Variants in RAB44 observed in about 807,000 individuals in gnomAD.
The protein encoded by RAB44 is RAB44, member RAS oncogene family, also known as ras-related protein Rab-44.
Under a neutral mutation model 93.3 loss-of-function variants are expected in RAB44, and 67 were observed. That is an observed-to-expected ratio of 0.72 (90% CI 0.59 to 0.88). RAB44 has a LOEUF of 0.88. Ranked by LOEUF, RAB44 falls within the 40% of genes least tolerant of loss-of-function variation. The pLI, the probability that RAB44 is intolerant of heterozygous loss-of-function variation, is 0.00. For synonymous variants in RAB44, 427 were observed against 520.3 expected, an observed-to-expected ratio of 0.82 and a Z score of 2.44; for missense variants, 1,064 against 1,261.7, an observed-to-expected ratio of 0.84 and a Z score of 2.37.
At position 36,708,978 on chromosome 6, in the gene RAB44, C is replaced by G. The variant is rs548012880; in HGVS notation, c.207+4536C>G. ...TATTATCATTTGAGACAGTTTCACT[C>G]TTGTTGCCCAGGCTGGAGTGCAATG... On this transcript the variant is annotated intron_variant, in intron 2 of 13. Transcript: ENST00000612677. Among the ~76,000 whole-genome samples, 4 of 151,856 alleles carry G rather than the reference C, an allele frequency of 2.6e-5. No homozygotes were observed. The East Asian group carries it at 7.7e-4, about 29-fold the overall frequency.
rs578062958 is a variant in RAB44 at position 36,714,563 on chromosome 6, G to A, written c.319+624G>A. 2.0e-5 allele frequency among the ~76,000 whole-genome samples: 3 copies of A among 152,340 alleles called. No homozygotes were observed. The East Asian group carries it at 5.8e-4, about 29-fold the overall frequency. On this transcript the variant is annotated intron_variant, in intron 3 of 13. Coordinates refer to ENST00000612677, the MANE Select transcript of RAB44 (RefSeq NM_001257357.2). ...AGCCTGGAGACCAGCAGAGAAGGGG[G>A]CCAGGAATCTGCATTTGCGCTTGGG...
chr6:36,711,240 G>A (rs1309249593), intron 2 of RAB44, among the ~76,000 whole-genome samples: 3 of 152,128 alleles, frequency 2.0e-5, no homozygotes, highest in Non-Finnish European at 2.9e-5. Context: ...AATCAATTTA[G>A]TGGGGCACAA....
intron 7 of RAB44, among the ~76,000 whole-genome samples, chr6:36,719,646 G>A (rs537910574): frequency 2.6e-5 from 4 of 152,340 alleles, no homozygotes; most frequent in South Asian, 2.1e-4. Flanking sequence ...AGTCGTAGGA[G>A]TTGAAATCGT....
intron 10 of RAB44, 110 bp from the exon 11 acceptor site, chr6:36,727,467 T>C (rs1360972440): frequency 1.5e-6 from 1 of 688,892 alleles, no homozygotes; most frequent in African/African-American, 1.8e-5. Context: ...CATACGGACA[T>C]GCTCTGTGGG....
Position 36,713,945 on chromosome 6 carries a change from T to C in RAB44, c.319+6T>C. The C allele has an allele frequency of 6.6e-7, 1 of 1,517,844 alleles. No homozygotes were observed. Among genetic ancestry groups the C allele is most frequent in the Non-Finnish European group, 8.8e-7 (1 of 1,130,336 alleles). 94.0% of individuals were successfully genotyped at this position (1,517,844 alleles called of 1,614,324 possible). On this transcript the variant is annotated splice_donor_region_variant and intron_variant, in intron 3 of 13. Coordinates refer to ENST00000612677, the MANE Select transcript of RAB44 (RefSeq NM_001257357.2). ...AGAATTCAGCTCTGGACTCAGTATG[T>C]CTGTCTTTGGAGGGCCTCTGGGCAC...
At position 36,732,960 on chromosome 6, in the gene RAB44, C is replaced by T. The variant is rs1763393399; in HGVS notation, c.*867C>T. Reference sequence around the variant, plus strand: ...GGTCCAAGCAGCTGGGGAGCCGAGACTCAGAATCATTCACACACTTCTATT... The same window carrying T: ...GGTCCAAGCAGCTGGGGAGCCGAGATTCAGAATCATTCACACACTTCTATT... On this transcript the variant is annotated 3_prime_UTR_variant, in exon 14 of 14. Coordinates refer to ENST00000612677, the MANE Select transcript of RAB44 (RefSeq NM_001257357.2). 6.6e-6 allele frequency: 1 copy of T among 152,210 alleles called. No individual in the cohort carries two copies. Among genetic ancestry groups the T allele is most frequent in the Admixed American group, 6.5e-5 (1 of 15,278 alleles). 9.4% of individuals were successfully genotyped at this position (152,210 alleles called of 1,614,324 possible). A position where few individuals can be genotyped will look rare whatever the true frequency, so the allele number is the denominator to read the frequency against.
chr6:36,698,873 T>C (rs541624492), intron 1 of RAB44, among the ~76,000 whole-genome samples: 9 of 152,240 alleles, frequency 5.9e-5, no homozygotes, highest in African/African-American at 1.9e-4. Context: ...TGTGTGTGCG[T>C]GCACGTTTGC....
intron 10 of RAB44, among the ~76,000 whole-genome samples, chr6:36,727,273 A>C (rs1247183545): frequency 6.6e-6 from 1 of 152,232 alleles, no homozygotes; most frequent in African/African-American, 2.4e-5. Context: ...ATATACGTAA[A>C]ATGCCTCTGG....
chr6:36,704,526 G>T (rs1762595720), intron 2 of RAB44, 84 bp downstream of exon 2: 2 of 1,294,680 alleles, frequency 1.5e-6, no homozygotes, highest in Non-Finnish European at 2.1e-6. Context: ...GGAAGGCAGG[G>T]CTTGCTACCC....
At chr6:36,700,333 G>C (rs966997816) in intron 1 of RAB44, among the ~76,000 whole-genome samples, 2 of 152,226 alleles carry the variant, frequency 1.3e-5, no homozygotes, top group East Asian at 3.8e-4. Context: ...TCACAGCAAT[G>C]GGACTGGAAG....
intron 1 of RAB44, among the ~76,000 whole-genome samples, chr6:36,700,888 G>A (rs1371686831): frequency 6.6e-6 from 1 of 152,238 alleles, no homozygotes; most frequent in Non-Finnish European, 1.5e-5. Context: ...CCCTCTTAGG[G>A]GGGATGGGGA....
chr6:36,712,039 A>G (rs6904189), intron 2 of RAB44, among the ~76,000 whole-genome samples: 22,726 of 152,230 alleles, frequency 0.15, 2,673 homozygotes, highest in African/African-American at 0.33. Context: ...GTGGTGGCTC[A>G]TGCCTGTAAT....
chr6:36,728,592 C>A, intron 11 of RAB44, 108 bp from the exon 12 acceptor site: 3 of 805,800 alleles, frequency 3.7e-6, no homozygotes, highest in Non-Finnish European at 6.3e-6. Flanking sequence ...GTGGATGTGG[C>A]CTGGGAGGGG....
chr6:36,730,681 GGTCTATTTTGGGGAGT>G lies in RAB44; in HGVS notation c.2909_2924del (p.Val970AlafsTer13). 2 of 1,234,326 alleles carry G rather than the reference GGTCTATTTTGGGGAGT, an allele frequency of 1.6e-6. No homozygotes were observed. The highest frequency in any genetic ancestry group is 3.2e-5 in the East Asian group (1 of 31,698). 76.5% of individuals were successfully genotyped at this position (1,234,326 alleles called of 1,614,324 possible). A position where few individuals can be genotyped will look rare whatever the true frequency, so the allele number is the denominator to read the frequency against. ...CCCTGTCTGGCCTGCAGGAACTGGG[GGTCTATTTTGGGGAGT>G]GCAGTGCCGCCTTGGGTCACAACAT... On this transcript the variant is annotated frameshift_variant, in exon 13 of 14. Transcript: ENST00000612677. LOFTEE classifies it high-confidence loss of function.
intron 13 of RAB44, 101 bp downstream of exon 13, chr6:36,730,850 C>T (rs1247541809): frequency 2.9e-5 from 16 of 543,652 alleles, no homozygotes; most frequent in Non-Finnish European, 3.8e-5. Context: ...ACAGGAAGGC[C>T]CATTCTGAGG....
chr6:36,720,260 C>T, intron 7 of RAB44, 103 bp from the exon 8 acceptor site: 2 of 1,012,590 alleles, frequency 2.0e-6, no homozygotes, highest in South Asian at 5.2e-5. Context: ...TCTCCAGGAG[C>T]CTGGACAGGG....
chr6:36,729,636 C>G (rs200172612), intron 12 of RAB44, among the ~76,000 whole-genome samples: 2 of 152,128 alleles, frequency 1.3e-5, no homozygotes, highest in East Asian at 3.9e-4. Flanking sequence ...GCATGTGCCA[C>G]CACGCCCGGC....
At chr6:36,715,145 T>G (rs236493) in intron 3 of RAB44, among the ~76,000 whole-genome samples, 151,368 of 151,816 alleles carry the variant, frequency 1, 75,461 homozygotes, top group Middle Eastern at 1. Context: ...TAGAATGTCA[T>G]CTCCATGTTA....
intron 2 of RAB44, among the ~76,000 whole-genome samples, chr6:36,707,885 G>A (rs1762687645): frequency 6.6e-6 from 1 of 152,024 alleles, no homozygotes; most frequent in African/African-American, 2.4e-5. Context: ...TCTCTCCTGG[G>A]GTACAATGCA....
Sources: allele counts gnomAD v4.1 joint callset (sites outside exome capture counted in the v4.1 genomes callset), GRCh38; gene constraint gnomAD v4.1.1; transcripts MANE v1.5; gene names NCBI Gene and HGNC (gene_info 2026-07-23, HGNC 2026-07-21).